Variants in STK40 observed in about 807,000 individuals in gnomAD.
The protein encoded by STK40 is serine/threonine-protein kinase 40.
STK40 carries 13 observed loss-of-function variants against 47.9 expected under a neutral mutation model. The observed-to-expected ratio is 0.27, with a 90% CI of 0.18 to 0.43. The LOEUF (loss-of-function observed/expected upper bound fraction) is 0.43. STK40 is among the 20% of genes least tolerant of loss of function. The pLI is 1.00. For synonymous variants in STK40, 225 were observed against 243.2 expected (o/e 0.93, Z 0.69); for missense variants, 460 against 595.1 (o/e 0.77, Z 2.36).
chr1:36,367,449 G>C (rs1646912275), intron 1 of STK40, among the ~76,000 whole-genome samples: 1 of 152,122 alleles, frequency 6.6e-6, no homozygotes, highest in African/African-American at 2.4e-5. Context: ...TGTCAATTTG[G>C]GGCTAAAGTC....
intron 1 of STK40, among the ~76,000 whole-genome samples, chr1:36,376,013 A>C (rs1646989433): frequency 1.3e-5 from 2 of 149,662 alleles, no homozygotes; most frequent in African/African-American, 2.5e-5. Flanking sequence ...CAAGAGCAAA[A>C]CTCCATCTCA....
rs1646726045 is a variant in STK40, at chr1:36,348,762, T to C, written c.677A>G (p.Glu226Gly). 2 of 1,611,000 alleles carry C rather than the reference T, an allele frequency of 1.2e-6. No individual in the cohort carries two copies. Among genetic ancestry groups the C allele is most frequent in the East Asian group, 4.5e-5 (2 of 44,742 alleles). ...NFCLGKHLVS[E>G]GDLLKDQRGS... is the part of the protein sequence containing the mutation. ...TCTCTGGTCCTTCAGCAGGTCCCCC[T>C]CGCTCACCAGATGCTTCCCGAGGCA... The change falls in exon 7 of 11, where the codon GAG (glutamate) becomes GGG (glycine). Residue 226 changes from glutamate (E) to glycine (G), a missense_variant. Glu to Gly is a moderately conservative substitution (Grantham distance 98, BLOSUM62 -2). Coordinates refer to ENST00000373132, the MANE Select transcript of STK40 (RefSeq NM_001282547.2).
chr1:36,367,036 C>T (rs1646908867), intron 1 of STK40, among the ~76,000 whole-genome samples: 1 of 146,488 alleles, frequency 6.8e-6, no homozygotes, highest in Non-Finnish European at 1.5e-5. Flanking sequence ...TTAGTAGAGA[C>T]AGGGTTTCAC....
In STK40 at chr1:36,344,109, G is replaced by A; in HGVS notation, c.884+11C>T. ...GGCTGCCCCCCCCACCCCCCGGGAG[G>A]CAGGACTCACTCAGGAATGGTATAC... On this transcript the variant is annotated intron_variant, in intron 8 of 10. Transcript: ENST00000373132. 6.3e-7 allele frequency: 1 copy of A among 1,592,768 alleles called. No homozygotes were observed. Among genetic ancestry groups the A allele is most frequent in the Non-Finnish European group, 8.5e-7 (1 of 1,170,338 alleles).
At chr1:36,360,389 C>T (rs1646841074) in intron 2 of STK40, among the ~76,000 whole-genome samples, 1 of 152,228 alleles carries the variant, frequency 6.6e-6, no homozygotes, top group Non-Finnish European at 1.5e-5. Context: ...CTGCCAACAC[C>T]TGTGCCAGGA....
chr1:36,350,656 G>A (rs1446282944), intron 6 of STK40, among the ~76,000 whole-genome samples: 1 of 152,246 alleles, frequency 6.6e-6, no homozygotes, highest in Admixed American at 6.5e-5. Context: ...GTAGAAGCTG[G>A]TGTCCTCTCA....
intron 9 of STK40, 141 bp downstream of exon 9, chr1:36,343,719 C>T (rs1252983108): frequency 1.4e-6 from 2 of 1,391,906 alleles, no homozygotes; most frequent in Non-Finnish European, 1.9e-6. Context: ...TATGCCCTCC[C>T]AATCTTGTCC....
At chr1:36,343,768 A>G in intron 9 of STK40, 92 bp downstream of exon 9, 2 of 1,496,198 alleles carry the variant, frequency 1.3e-6, no homozygotes, top group Non-Finnish European at 1.8e-6. Flanking sequence ...ACTGGCAGAG[A>G]AGCAGGCTGA....
chr1:36,374,343 A>G (rs181395344), intron 1 of STK40, among the ~76,000 whole-genome samples: 8 of 152,372 alleles, frequency 5.3e-5, no homozygotes, highest in African/African-American at 1.9e-4. Flanking sequence ...TTCTGGAAGA[A>G]AAGTCTCAGG....
chr1:36,345,980 TA>T (rs1646696281), intron 7 of STK40, among the ~76,000 whole-genome samples: 1 of 17,364 alleles, frequency 5.8e-5, no homozygotes, highest in African/African-American at 1.5e-4. Context: ...TATATATATA[TA>T]TATATATATA....
chr1:36,360,762 T>C (rs1646845029), intron 2 of STK40, among the ~76,000 whole-genome samples: 1 of 152,170 alleles, frequency 6.6e-6, no homozygotes, highest in African/African-American at 2.4e-5. Context: ...TGCAAAGTCT[T>C]GAACTCTTAG....
intron 1 of STK40, among the ~76,000 whole-genome samples, chr1:36,372,173 A>C (rs764101905): frequency 9.9e-5 from 15 of 151,930 alleles, no homozygotes; most frequent in Non-Finnish European, 1.8e-4. Flanking sequence ...CACACACACA[A>C]CACAAAATTT....
intron 6 of STK40, among the ~76,000 whole-genome samples, chr1:36,351,138 C>G (rs974216197): frequency 1.3e-5 from 2 of 152,144 alleles, no homozygotes; most frequent in African/African-American, 4.8e-5. Context: ...TTTCTAGGAA[C>G]TTGGTATGTT....
intron 1 of STK40, among the ~76,000 whole-genome samples, chr1:36,371,924 G>C (rs1646951907): frequency 6.7e-6 from 1 of 149,970 alleles, no homozygotes; most frequent in Non-Finnish European, 1.5e-5. Flanking sequence ...CTTGAACCTG[G>C]AGGTGAAGGT....
rs759051869 is a variant in STK40 at position 36,343,878 on chromosome 1, C to T, written c.986G>A (p.Ser329Asn). 3.1e-6 allele frequency: 5 copies of T among 1,601,430 alleles called. No individual in the cohort carries two copies. Among genetic ancestry groups the T allele is most frequent in the Admixed American group, 1.7e-5 (1 of 59,030 alleles). ...CACTTACCATGATGCAATGATGGCA[C>T]TGAGGGCCTCCAGGACGTCGGCGGC... ...LAAADVLEAL[S>N]AIIASWQSLS... The change falls in exon 9 of 11, where the codon AGT (serine) becomes AAT (asparagine). Residue 329 changes from serine to asparagine, a missense_variant. Ser to Asn is a conservative substitution (Grantham distance 46, BLOSUM62 1). Transcript: ENST00000373132.
intron 1 of STK40, chr1:36,372,865 A>C (rs963042879): frequency 1.3e-5 from 2 of 151,884 alleles, no homozygotes; most frequent in Non-Finnish European, 2.9e-5. Context: ...TGACACAAAC[A>C]CTCTGGGCGC....
chr1:36,358,451 G>A (rs1040130331), intron 3 of STK40, 69 bp from the exon 4 acceptor site: 35 of 1,527,800 alleles, frequency 2.3e-5, no homozygotes, highest in Non-Finnish European at 3.0e-5. Flanking sequence ...CAACCAGAAC[G>A]GGGGAAGCAG....
intron 1 of STK40, among the ~76,000 whole-genome samples, chr1:36,379,537 C>T (rs773289395): frequency 5.3e-5 from 8 of 152,052 alleles, no homozygotes; most frequent in Non-Finnish European, 7.4e-5. Flanking sequence ...CCCACCACCA[C>T]GTCCGGCTAA....
rs1243668887 is a variant in STK40 at position 36,340,078 on chromosome 1, G to A, written c.*1677C>T. Reference sequence around the variant, plus strand: ...TCTATGAAATAAATATAGAAAAGAGGGCATCCCCCAGCCCCACAGCACAAG... The same window carrying A: ...TCTATGAAATAAATATAGAAAAGAGAGCATCCCCCAGCCCCACAGCACAAG... On this transcript the variant is annotated 3_prime_UTR_variant, in exon 11 of 11. Coordinates refer to ENST00000373132, the MANE Select transcript of STK40 (RefSeq NM_001282547.2). 6.6e-6 allele frequency: 1 copy of A among 152,572 alleles called. No individual in the cohort carries two copies. Among genetic ancestry groups the A allele is most frequent in the Non-Finnish European group, 1.5e-5 (1 of 68,146 alleles). 9.5% of individuals were successfully genotyped at this position (152,572 alleles called of 1,614,324 possible).
Sources: allele counts gnomAD v4.1 joint callset (sites outside exome capture counted in the v4.1 genomes callset), GRCh38; gene constraint gnomAD v4.1.1; transcripts MANE v1.5; gene names NCBI Gene and HGNC (gene_info 2026-07-23, HGNC 2026-07-21).